EVA1C: variants seen among roughly 807,000 people sequenced by gnomAD.
The protein encoded by EVA1C is protein eva-1 homolog C.
In EVA1C, 25 loss-of-function variants were observed where a neutral mutation model predicts 45.4. The observed-to-expected ratio is 0.55, with a 90% CI of 0.40 to 0.77. The LOEUF (loss-of-function observed/expected upper bound fraction) is 0.77, where lower values mean the gene tolerates loss of function less well. Among genes scored for constraint, EVA1C ranks in the 30% least tolerant of loss-of-function variants. The pLI, the probability that EVA1C is intolerant of heterozygous loss-of-function variation, is 0.00. For missense variants in EVA1C, 479 were observed against 554.8 expected, an observed-to-expected ratio of 0.86 and a Z score of 1.37; for synonymous variants, 190 against 221.2, an observed-to-expected ratio of 0.86 and a Z score of 1.25.
rs930977673 is a variant in EVA1C, at chr21:32,493,423, A to C, written c.635-1604A>C. Among the ~76,000 whole-genome samples, 9 of 151,542 alleles carry C rather than the reference A, an allele frequency of 5.9e-5. No homozygotes were observed. The South Asian group carries it at 1.7e-3, about 28-fold the overall frequency. On this transcript the variant is annotated intron_variant, in intron 4 of 7. Coordinates refer to ENST00000300255, the MANE Select transcript of EVA1C (RefSeq NM_058187.5). Reference sequence around the variant, plus strand: ...AAGTGTCTCTGTCTTGTTCCAGTTCACATTTCCTACTCATTCGCTGTGGTC... The same window carrying C: ...AAGTGTCTCTGTCTTGTTCCAGTTCCCATTTCCTACTCATTCGCTGTGGTC...
intron 1 of EVA1C, among the ~76,000 whole-genome samples, chr21:32,416,837 T>C (rs2146096584): frequency 6.6e-6 from 1 of 152,220 alleles, no homozygotes; most frequent in South Asian, 2.1e-4. Context: ...GGGCACATAG[T>C]GGTGAATGTG....
intron 4 of EVA1C, among the ~76,000 whole-genome samples, chr21:32,492,079 A>G (rs573273099): frequency 6.6e-6 from 1 of 152,222 alleles, no homozygotes; most frequent in East Asian, 1.9e-4. Context: ...GTTCAAAAAT[A>G]TATCAGAATT....
intron 3 of EVA1C, among the ~76,000 whole-genome samples, chr21:32,461,180 G>A (rs2035984740): frequency 6.6e-6 from 1 of 152,256 alleles, no homozygotes; most frequent in Admixed American, 6.5e-5. Context: ...CGGGTTGCAG[G>A]TGCATTGGCG....
chr21:32,464,869 T>C (rs1054832219), intron 3 of EVA1C, among the ~76,000 whole-genome samples: 1 of 152,168 alleles, frequency 6.6e-6, no homozygotes, highest in East Asian at 1.9e-4. Flanking sequence ...TTGTCTTTCA[T>C]TTTTTAAGTT....
chr21:32,507,736 A>G (rs2037792855), intron 7 of EVA1C, among the ~76,000 whole-genome samples: 1 of 138,372 alleles, frequency 7.2e-6, no homozygotes, highest in Admixed American at 7.3e-5. Context: ...GCATACGTGT[A>G]TCTGCATGTG....
intron 4 of EVA1C, among the ~76,000 whole-genome samples, chr21:32,470,539 A>T (rs1318743489): frequency 1.3e-5 from 2 of 152,188 alleles, no homozygotes; most frequent in Non-Finnish European, 2.9e-5. Context: ...CTGGTCCAGT[A>T]AGTTGACTTG....
intron 1 of EVA1C, among the ~76,000 whole-genome samples, chr21:32,439,081 C>CA (rs1046913545): frequency 1.1e-4 from 16 of 148,996 alleles, no homozygotes; most frequent in Non-Finnish European, 1.6e-4. Context: ...ACCTAAAATA[C>CA]AAAAAAAAAT....
At chr21:32,417,355 T>C (rs1744347547) in intron 1 of EVA1C, among the ~76,000 whole-genome samples, 1 of 152,226 alleles carries the variant, frequency 6.6e-6, no homozygotes, top group Non-Finnish European at 1.5e-5. Context: ...GGCTTGTAAA[T>C]GGCATCTCCC....
chr21:32,413,769 A>G (rs2033925513), intron 1 of EVA1C, among the ~76,000 whole-genome samples: 1 of 152,214 alleles, frequency 6.6e-6, no homozygotes, highest in African/African-American at 2.4e-5. Context: ...GCACATGCTT[A>G]AGTTAGCGCT....
At chr21:32,510,509 G>A (rs551214189) in intron 7 of EVA1C, among the ~76,000 whole-genome samples, 2 of 152,224 alleles carry the variant, frequency 1.3e-5, no homozygotes, top group South Asian at 2.1e-4. Context: ...GTCTGTGGTC[G>A]CTTTTGCACT....
intron 1 of EVA1C, among the ~76,000 whole-genome samples, chr21:32,417,664 A>G (rs1382448661): frequency 2.0e-5 from 3 of 152,196 alleles, no homozygotes; most frequent in African/African-American, 4.8e-5. Flanking sequence ...GTATAGAAAT[A>G]TGGTAATTCA....
chr21:32,504,553 C>T (rs1006037967), intron 7 of EVA1C, among the ~76,000 whole-genome samples: 16 of 152,176 alleles, frequency 1.1e-4, no homozygotes, highest in African/African-American at 3.9e-4. Flanking sequence ...AGGCCGGCCA[C>T]ACCGCGGGGA....
At chr21:32,456,610 T>C (rs1411400500) in intron 2 of EVA1C, among the ~76,000 whole-genome samples, 1 of 152,216 alleles carries the variant, frequency 6.6e-6, no homozygotes, top group African/African-American at 2.4e-5. Flanking sequence ...CGAGCTACTA[T>C]GAGAACATGG....
At chr21:32,411,834 C>T (rs1463412507), upstream of EVA1C, among the ~76,000 whole-genome samples, 1 of 152,234 alleles carries the variant, frequency 6.6e-6, no homozygotes, top group Non-Finnish European at 1.5e-5. Flanking sequence ...CCACGGAGCC[C>T]CTCGCGCACT....
At chr21:32,419,926 C>A (rs1052296041) in intron 1 of EVA1C, among the ~76,000 whole-genome samples, 2 of 152,064 alleles carry the variant, frequency 1.3e-5, no homozygotes, top group African/African-American at 4.8e-5. Flanking sequence ...ATCCTAAATC[C>A]TACAGTCATG....
chr21:32,476,054 C>T (rs775451352), intron 4 of EVA1C, among the ~76,000 whole-genome samples: 4 of 152,006 alleles, frequency 2.6e-5, no homozygotes, highest in Non-Finnish European at 5.9e-5. Context: ...TTTTGCCTTT[C>T]TTTGACTGTG....
chr21:32,514,112 T>C (rs2146486428), intron 7 of EVA1C, among the ~76,000 whole-genome samples: 1 of 152,290 alleles, frequency 6.6e-6, no homozygotes, highest in Non-Finnish European at 1.5e-5. Flanking sequence ...GCAAATTCTG[T>C]GCCATTTCAT....
intron 7 of EVA1C, among the ~76,000 whole-genome samples, chr21:32,507,612 G>T (rs576478993): frequency 4.7e-4 from 71 of 151,898 alleles, no homozygotes; most frequent in African/African-American, 1.6e-3. Flanking sequence ...ATGTGTACAT[G>T]TGTGTACATG....
intron 1 of EVA1C, among the ~76,000 whole-genome samples, chr21:32,432,463 G>A (rs2034745014): frequency 6.6e-6 from 1 of 152,082 alleles, no homozygotes; most frequent in Non-Finnish European, 1.5e-5. Flanking sequence ...GGCAGGTCCA[G>A]GGAACGCACC....
Sources: gnomAD v4.1 joint callset for allele counts (sites outside exome capture counted in the v4.1 genomes callset) on GRCh38, gnomAD v4.1.1 for gene constraint, MANE v1.5 for transcripts, NCBI Gene and HGNC (gene_info 2026-07-23, HGNC 2026-07-21) for gene names.